ZC3H18: variants seen among roughly 807,000 people sequenced by gnomAD.
ZC3H18 encodes zinc finger CCCH domain-containing protein 18.
ZC3H18 carries 8 observed loss-of-function variants against 106.1 expected under a neutral mutation model. The observed-to-expected ratio is 0.08, with a 90% CI of 0.04 to 0.14. The LOEUF is 0.14. Among genes scored for constraint, ZC3H18 ranks in the 10% least tolerant of loss-of-function variants. The pLI, the probability that ZC3H18 is intolerant of heterozygous loss-of-function variation, is 1.00. For synonymous variants in ZC3H18, 635 were observed against 522.1 expected (o/e 1.22, Z -2.95); for missense variants, 1,318 against 1,278.4 (o/e 1.03, Z -0.47).
chr16:88,595,052 G>A (rs1037000845), intron 3 of ZC3H18, among the ~76,000 whole-genome samples: 6 of 152,214 alleles, frequency 3.9e-5, no homozygotes, highest in Admixed American at 3.9e-4. Context: ...TCGGGAGGCT[G>A]AGGCAGGAGA....
intron 1 of ZC3H18, among the ~76,000 whole-genome samples, chr16:88,576,710 T>A (rs1914773931): frequency 6.6e-6 from 1 of 152,214 alleles, no homozygotes; most frequent in Admixed American, 6.5e-5. Flanking sequence ...GCTTCCTCGT[T>A]CCATGATACA....
chr16:88,604,293 A>T (rs1904901594), intron 6 of ZC3H18, among the ~76,000 whole-genome samples: 1 of 151,870 alleles, frequency 6.6e-6, no homozygotes, highest in Non-Finnish European at 1.5e-5. Context: ...TGGAGGTTGC[A>T]GCAAGTGAGA....
In ZC3H18 at chr16:88,579,859, A is replaced by G. The variant is rs541853931; in HGVS notation, c.603+2133A>G. Among the ~76,000 whole-genome samples the G allele has an allele frequency of 3.7e-4, 57 of 152,206 alleles. 1 individual carries two copies. The highest frequency in any genetic ancestry group is 2.6e-4 in the Admixed American group (4 of 15,302). ...TGCTCCTGGACACCAGCACAGGTGG[A>G]CCTTGCTGTGCCACATGCTGAGTGT... On this transcript the variant is annotated intron_variant, in intron 2 of 17. Transcript: ENST00000301011.
Position 88,631,527 on chromosome 16 carries a change from T to C in ZC3H18, c.*228T>C, listed in dbSNP as rs1204105651. 1.5e-6 allele frequency: 1 copy of C among 648,788 alleles called. No homozygotes were observed. The highest frequency in any genetic ancestry group is 2.8e-6 in the Non-Finnish European group (1 of 358,202). 40.2% of individuals were successfully genotyped at this position (648,788 alleles called of 1,614,324 possible). ...CAGGACAGACAGACACAGACAGCGC[T>C]AGTGACCAGCACGGTTCTCATGTAA... On this transcript the variant is annotated 3_prime_UTR_variant, in exon 18 of 18. Coordinates refer to ENST00000301011, the MANE Select transcript of ZC3H18 (RefSeq NM_144604.4).
At chr16:88,587,946 T>C (rs780569052) in intron 3 of ZC3H18, among the ~76,000 whole-genome samples, 2 of 152,176 alleles carry the variant, frequency 1.3e-5, no homozygotes, top group African/African-American at 4.8e-5. Context: ...CCTGTGGGTG[T>C]GTGCTTGCTT....
intron 16 of ZC3H18, chr16:88,630,189 A>G (rs1487080938): frequency 2.7e-6 from 1 of 372,448 alleles, no homozygotes. Context: ...GTATTTGAAG[A>G]CCCATGTGAT....
intron 6 of ZC3H18, 164 bp from the exon 7 acceptor site, chr16:88,608,770 G>T (rs989601986): frequency 8.0e-5 from 45 of 564,496 alleles, no homozygotes; most frequent in African/African-American, 4.9e-4. Context: ...CCTGCTCTTA[G>T]ATGTAGTTTG....
chr16:88,584,249 C>A (rs1915307159), intron 2 of ZC3H18, among the ~76,000 whole-genome samples: 1 of 152,000 alleles, frequency 6.6e-6, no homozygotes, highest in Non-Finnish European at 1.5e-5. Flanking sequence ...TGGCAAAACC[C>A]CGTCTCTACT....
rs780187181 is a variant in ZC3H18, at chr16:88,577,146, A to C, written c.23A>C (p.Glu8Ala). The C allele has an allele frequency of 6.4e-6, 10 of 1,573,072 alleles. No individual in the cohort carries two copies. In the South Asian group the frequency reaches 1.0e-4, roughly 16 times the overall value. The stretch of plus-strand genomic sequence containing the variant: ...CCGATGGATGTGGCCGAGAGCCCTG[A>C]ACGGGATCCTCACTCTCCAGAGGAT... MDVAESP[E>A]RDPHSPEDEE... Residue 8 changes from glutamate to alanine, a missense_variant, in exon 2 of 18, where the codon GAA becomes GCA. Transcript: ENST00000301011.
chr16:88,628,750 T>C lies in ZC3H18; in HGVS notation c.2470-8T>C. On this transcript the variant is annotated splice_polypyrimidine_tract_variant and splice_region_variant and intron_variant, in intron 15 of 17. Coordinates refer to ENST00000301011, the MANE Select transcript of ZC3H18 (RefSeq NM_144604.4). ...CTGCTGTCCTCACTGGCCTCTCTCT[T>C]GTCCCAGGCGGCTGATAAAGGAAGC... 2 of 1,613,840 alleles carry C rather than the reference T, an allele frequency of 1.2e-6. No individual in the cohort carries two copies. Among genetic ancestry groups the C allele is most frequent in the Middle Eastern group, 1.6e-4 (1 of 6,062 alleles).
chr16:88,624,719 G>T lies in ZC3H18; in HGVS notation c.2016G>T (p.Glu672Asp). The T allele has an allele frequency of 6.2e-7, 1 of 1,613,104 alleles. No individual in the cohort carries two copies. The highest frequency in any genetic ancestry group is 8.5e-7 in the Non-Finnish European group (1 of 1,179,802). ...ACCCTCGGGAAGCCAGGAGGAAGGA[G>T]CGGCCAGCCAGGACCCCCCCCAGGA... ...PGDPREARRK[E>D]RPARTPPRRR... The change falls in exon 12 of 18, where the codon GAG (glutamate) becomes GAT (aspartate). Residue 672 changes from glutamate to aspartate, a missense_variant. Coordinates refer to ENST00000301011, the MANE Select transcript of ZC3H18 (RefSeq NM_144604.4).
chr16:88,591,708 G>A lies in ZC3H18; in HGVS notation c.688+5024G>A, dbSNP rs138858825. Among the ~76,000 whole-genome samples, 76 of 152,384 alleles carry A rather than the reference G, an allele frequency of 5.0e-4. 1 individual carries two copies. The Middle Eastern group carries it at 0.017, about 34-fold the overall frequency. On this transcript the variant is annotated intron_variant, in intron 3 of 17. Transcript: ENST00000301011. ...GAATAGAGCTGCTGTGAACGTGGGC[G>A]TAAAAATCTCTTCAGACCCTGCTTT...
At chr16:88,601,955 A>G (rs1418108935) in intron 6 of ZC3H18, among the ~76,000 whole-genome samples, 1 of 152,218 alleles carries the variant, frequency 6.6e-6, no homozygotes, top group Admixed American at 6.5e-5. Context: ...TGATTGTCAC[A>G]AAGAGCATCT....
intron 2 of ZC3H18, among the ~76,000 whole-genome samples, chr16:88,581,537 G>C (rs1033879416): frequency 6.6e-6 from 1 of 152,218 alleles, no homozygotes; most frequent in Non-Finnish European, 1.5e-5. Flanking sequence ...GCTGGCCTGC[G>C]TGGTGGGGTG....
At chr16:88,618,017 G>A (rs2142782336) in intron 8 of ZC3H18, among the ~76,000 whole-genome samples, 1 of 152,384 alleles carries the variant, frequency 6.6e-6, no homozygotes, top group African/African-American at 2.4e-5. Context: ...TAAGGGACTA[G>A]TGGAGTTAGG....
chr16:88,572,741 ACG>A (rs1914489825), intron 1 of ZC3H18, among the ~76,000 whole-genome samples: 2 of 151,554 alleles, frequency 1.3e-5, no homozygotes, highest in South Asian at 4.2e-4. Flanking sequence ...TTAAGAGGCC[ACG>A]TTTCCCTTCG....
At position 88,631,815 on chromosome 16, in the gene ZC3H18, T is replaced by A; in HGVS notation, c.*516T>A. 3.4e-6 allele frequency: 1 copy of A among 294,718 alleles called. No individual in the cohort carries two copies. The highest frequency in any genetic ancestry group is 5.0e-5 in the Admixed American group (1 of 19,902). The allele number at this position is 294,718 out of a possible 1,614,324, so 18.3% of individuals were successfully genotyped here. On this transcript the variant is annotated 3_prime_UTR_variant, in exon 18 of 18. Coordinates refer to ENST00000301011, the MANE Select transcript of ZC3H18 (RefSeq NM_144604.4). ...CTCATCAGGAAATATTTCCTGTCTT[T>A]TATTTTAAGCATCAAATTGTTTTAG...
rs1005981586 is a variant in ZC3H18 at position 88,627,848 on chromosome 16, CTT to C, written c.2269+68_2269+69del. 19 of 1,612,456 alleles carry C rather than the reference CTT, an allele frequency of 1.2e-5. No homozygotes were observed. Among genetic ancestry groups the C allele is most frequent in the Middle Eastern group, 1.6e-4 (1 of 6,082 alleles). On this transcript the variant is annotated intron_variant, in intron 14 of 17. Coordinates refer to ENST00000301011, the MANE Select transcript of ZC3H18 (RefSeq NM_144604.4). The surrounding 1 kb of genome is among the most constrained non-coding windows in gnomAD (Gnocchi z 4.5). ...GGGAGGAGGGCGGCATCAGCACAGA[CTT>C]TGCCTGGCTGTTGGTGTGGCCATGG...
chr16:88,572,329 A>T (rs1312210519), intron 1 of ZC3H18, among the ~76,000 whole-genome samples: 1 of 152,202 alleles, frequency 6.6e-6, no homozygotes, highest in Non-Finnish European at 1.5e-5. Flanking sequence ...TTTGAGACGG[A>T]GTCTCACTCT....
Sources: allele counts gnomAD v4.1 joint callset (sites outside exome capture counted in the v4.1 genomes callset), GRCh38; gene constraint gnomAD v4.1.1; non-coding constraint Gnocchi (gnomAD v3.1); transcripts MANE v1.5; gene names NCBI Gene and HGNC (gene_info 2026-07-23, HGNC 2026-07-21).